FNIP2: variants seen among roughly 807,000 people sequenced by gnomAD.
The protein encoded by FNIP2 is folliculin interacting protein 2, also known as folliculin-interacting protein 2.
In FNIP2, 32 loss-of-function variants were observed where a neutral mutation model predicts 108.7. That is an observed-to-expected ratio of 0.29 (90% CI 0.22 to 0.40). The LOEUF (loss-of-function observed/expected upper bound fraction) is 0.40. FNIP2 is among the 10% of genes least tolerant of loss of function. FNIP2 has a pLI of 1.00. For synonymous variants in FNIP2, 480 were observed against 496.7 expected, an observed-to-expected ratio of 0.97 and a Z score of 0.45; for missense variants, 1,202 against 1,381.6, an observed-to-expected ratio of 0.87 and a Z score of 2.06.
At chr4:158,775,360 T>C (rs1775825788) in intron 1 of FNIP2, among the ~76,000 whole-genome samples, 1 of 152,220 alleles carries the variant, frequency 6.6e-6, no homozygotes, top group Non-Finnish European at 1.5e-5. Flanking sequence ...TGCTGAAATA[T>C]TTGGTGAGTT....
chr4:158,888,604 A>G (rs1782136105), intron 14 of FNIP2, among the ~76,000 whole-genome samples: 1 of 152,120 alleles, frequency 6.6e-6, no homozygotes, highest in African/African-American at 2.4e-5. Context: ...TCTTTGCTCC[A>G]GTGATTTAAA....
At chr4:158,849,411 C>T (rs1163437153) in intron 7 of FNIP2, among the ~76,000 whole-genome samples, 1 of 152,074 alleles carries the variant, frequency 6.6e-6, no homozygotes, top group African/African-American at 2.4e-5. Flanking sequence ...TTTGGGGTAT[C>T]ATTTTCTGAG....
chr4:158,893,850 T>C (rs1782452812), intron 15 of FNIP2: 1 of 595,046 alleles, frequency 1.7e-6, no homozygotes, highest in Admixed American at 2.9e-5. Context: ...TAAATTGTTA[T>C]AGTTAATTCT....
intron 14 of FNIP2, among the ~76,000 whole-genome samples, chr4:158,875,086 CA>C (rs922681852): frequency 1.5e-3 from 162 of 107,056 alleles, no homozygotes; most frequent in Admixed American, 2.5e-3. Context: ...GAGACTGTCT[CA>C]AAAAAAAAAA....
In FNIP2 at chr4:158,868,930, G is replaced by A; in HGVS notation, c.2294G>A (p.Arg765Lys). Residue 765 changes from arginine (R) to lysine (K), a missense_variant, in exon 13 of 17, where the codon AGG becomes AAG. This residue lies in a region of FNIP2 where 878 missense variants were observed against 990.3 expected (regional missense o/e 0.89). Coordinates refer to ENST00000264433, the MANE Select transcript of FNIP2 (RefSeq NM_020840.3). This position sits in a 1 kb window ranked among gnomAD's most constrained non-coding sequence, Gnocchi z 4.6. ...GTGGCTCAGGACCCGCAGGTTTCTA[G>A]GAGCCCTTTTAAACCTGGCTTTCAG... is the stretch of plus-strand genomic sequence containing the variant. ...ADVAQDPQVS[R>K]SPFKPGFQEN... 1 of 1,613,962 alleles carries A rather than the reference G, an allele frequency of 6.2e-7. No individual in the cohort carries two copies. The highest frequency in any genetic ancestry group is 8.5e-7 in the Non-Finnish European group (1 of 1,179,882).
At chr4:158,843,158 A>T (rs974427107) in intron 7 of FNIP2, among the ~76,000 whole-genome samples, 1 of 152,208 alleles carries the variant, frequency 6.6e-6, no homozygotes, top group African/African-American at 2.4e-5. Context: ...TGCGTCAAAC[A>T]TATATAAAAA....
chr4:158,806,024 CAAAT>C lies in FNIP2; in HGVS notation c.108-19891_108-19888del, dbSNP rs1381690751. 7 of 694,376 alleles carry C rather than the reference CAAAT, an allele frequency of 1.0e-5. No homozygotes were observed. The South Asian group carries it at 1.7e-4, about 17-fold the overall frequency. 43.0% of individuals were successfully genotyped at this position (694,376 alleles called of 1,614,324 possible). ...TTATTGGCAGGCTTAATTTACGTAACAAATGAATGTTCCACCTTTTTTTTTTTTT... is the reference window on the plus strand; with the variant it reads ...TTATTGGCAGGCTTAATTTACGTAACGAATGTTCCACCTTTTTTTTTTTTT... On this transcript the variant is annotated intron_variant, in intron 1 of 16. Coordinates refer to ENST00000264433, the MANE Select transcript of FNIP2 (RefSeq NM_020840.3).
chr4:158,815,430 T>G (rs2126523785), intron 1 of FNIP2, among the ~76,000 whole-genome samples: 1 of 150,144 alleles, frequency 6.7e-6, no homozygotes, highest in Non-Finnish European at 1.5e-5. Flanking sequence ...TCGCCCAGGC[T>G]GGAATGCAGT....
intron 12 of FNIP2, among the ~76,000 whole-genome samples, chr4:158,865,560 G>A (rs1375403115): frequency 6.6e-6 from 1 of 152,062 alleles, no homozygotes; most frequent in Non-Finnish European, 1.5e-5. Context: ...ATACTCAAAT[G>A]CATTGCTAAA....
intron 1 of FNIP2, among the ~76,000 whole-genome samples, chr4:158,776,489 T>G (rs557475366): frequency 6.6e-6 from 1 of 152,216 alleles, no homozygotes; most frequent in Non-Finnish European, 1.5e-5. Flanking sequence ...TGTCTTATAG[T>G]CAAAACCTTT....
rs538988642 is a variant in FNIP2, at chr4:158,881,509, T to C, written c.2950-9937T>C. 2.4e-3 allele frequency among the ~76,000 whole-genome samples: 366 copies of C among 152,240 alleles called. 2 individuals are homozygous for C. Among genetic ancestry groups the C allele is most frequent in the African/African-American group, 8.4e-3 (347 of 41,516 alleles). On this transcript the variant is annotated intron_variant, in intron 14 of 16. Coordinates refer to ENST00000264433, the MANE Select transcript of FNIP2 (RefSeq NM_020840.3). Reference sequence around the variant, plus strand: ...TCTCCCTCTGATGCTGAGCCGAAGCTGGACTGTACTGCTGCCATCTCCGCT... The same window carrying C: ...TCTCCCTCTGATGCTGAGCCGAAGCCGGACTGTACTGCTGCCATCTCCGCT...
chr4:158,891,845 A>G (rs913181215), intron 15 of FNIP2, among the ~76,000 whole-genome samples, 199 bp downstream of exon 15: 1 of 152,236 alleles, frequency 6.6e-6, no homozygotes, highest in Non-Finnish European at 1.5e-5. Flanking sequence ...ACAAATAACA[A>G]GGAGCGGCAC....
intron 1 of FNIP2, among the ~76,000 whole-genome samples, chr4:158,784,522 T>C (rs1473174837): frequency 6.6e-6 from 1 of 152,254 alleles, no homozygotes; most frequent in African/African-American, 2.4e-5. Context: ...GAAATAACTA[T>C]ACAACTCACC....
chr4:158,828,910 C>T (rs1778305663), intron 2 of FNIP2, among the ~76,000 whole-genome samples, 169 bp from the exon 3 acceptor site: 1 of 152,082 alleles, frequency 6.6e-6, no homozygotes, highest in South Asian at 2.1e-4. Flanking sequence ...CTTCAGCATT[C>T]TGCCATCCCA....
intron 16 of FNIP2, among the ~76,000 whole-genome samples, chr4:158,900,430 G>A (rs1466082027): frequency 6.6e-6 from 1 of 152,174 alleles, no homozygotes; most frequent in Non-Finnish European, 1.5e-5. Context: ...AATATTGACA[G>A]TGGGGTGTTA....
At position 158,885,623 on chromosome 4, in the gene FNIP2, A is replaced by G. The variant is rs144703477; in HGVS notation, c.2950-5823A>G. Among the ~76,000 whole-genome samples the G allele has an allele frequency of 3.5e-3, 538 of 152,266 alleles. 4 individuals carry two copies. The highest frequency in any genetic ancestry group is 0.012 in the African/African-American group (501 of 41,552). On this transcript the variant is annotated intron_variant, in intron 14 of 16. Transcript: ENST00000264433. ...AGGACAGCAGGACGAACATTTGAGC[A>G]CCTAATGTGTTGGGTTCTATGCTAC...
At chr4:158,832,550 C>T (rs528648013) in intron 5 of FNIP2, among the ~76,000 whole-genome samples, 1 of 152,206 alleles carries the variant, frequency 6.6e-6, no homozygotes, top group Non-Finnish European at 1.5e-5. Flanking sequence ...AATAAAACAA[C>T]AAAACACCAG....
intron 1 of FNIP2, among the ~76,000 whole-genome samples, chr4:158,786,708 A>G (rs1303256024): frequency 6.6e-6 from 1 of 152,222 alleles, no homozygotes; most frequent in East Asian, 1.9e-4. Context: ...GCCTGCAGTC[A>G]GCCTTTGCAA....
intron 14 of FNIP2, among the ~76,000 whole-genome samples, 199 bp from the exon 15 acceptor site, chr4:158,891,247 C>A (rs11726311): frequency 0.32 from 43,530 of 134,704 alleles, 7,058 homozygotes; most frequent in Non-Finnish European, 0.39. Flanking sequence ...GAAATTAGGT[C>A]TTTAAAAAAG....
Sources: allele counts gnomAD v4.1 joint callset (sites outside exome capture counted in the v4.1 genomes callset), GRCh38; gene constraint gnomAD v4.1.1; regional missense constraint gnomAD v4.1.1; non-coding constraint Gnocchi (gnomAD v3.1); transcripts MANE v1.5; gene names NCBI Gene and HGNC (gene_info 2026-07-23, HGNC 2026-07-21).